PCDHA6: variants seen among roughly 807,000 people sequenced by gnomAD.
PCDHA6 encodes protocadherin alpha 6.
PCDHA6 carries 55 observed loss-of-function variants against 60.3 expected under a neutral mutation model. The ratio of observed to expected loss-of-function variants is 0.91; its 90% CI spans 0.73 to 1.14. PCDHA6 has a LOEUF of 1.14. PCDHA6 is among the 50% of genes most tolerant of loss of function. PCDHA6 has a pLI of 0.00. For missense variants in PCDHA6, 1,327 were observed against 1,256.5 expected, an observed-to-expected ratio of 1.06 and a Z score of -0.85; for synonymous variants, 652 against 557.9, an observed-to-expected ratio of 1.17 and a Z score of -2.38.
intron 1 of PCDHA6, among the ~76,000 whole-genome samples, chr5:140,896,063 G>A (rs531616608): frequency 1.4e-3 from 217 of 152,130 alleles, no homozygotes; most frequent in African/African-American, 4.7e-3. Flanking sequence ...CGCCTGCCTC[G>A]GCCTCCCAAC....
At chr5:141,000,415 A>ATT (rs1563651650) in intron 3 of PCDHA6, among the ~76,000 whole-genome samples, 4 of 87,388 alleles carry the variant, frequency 4.6e-5, no homozygotes, top group African/African-American at 1.5e-4. Flanking sequence ...ATATATATAT[A>ATT]TATATATTTT....
At chr5:140,949,231 C>G (rs971361200) in intron 1 of PCDHA6, among the ~76,000 whole-genome samples, 11 of 151,628 alleles carry the variant, frequency 7.3e-5, no homozygotes, top group African/African-American at 2.4e-4. Flanking sequence ...TGTTCTGTGG[C>G]CCAGCAACAG....
At chr5:140,842,696 G>C in intron 1 of PCDHA6, 1 of 1,595,300 alleles carries the variant, frequency 6.3e-7, no homozygotes, top group Non-Finnish European at 8.6e-7. Context: ...CGCGCAGCCC[G>C]AGTACACGGT....
chr5:140,969,106 A>G, intron 1 of PCDHA6: 1 of 1,614,132 alleles, frequency 6.2e-7, no homozygotes, highest in Non-Finnish European at 8.5e-7. Flanking sequence ...ACTTCATTGA[A>G]GTTCGAGGGA....
At chr5:140,884,977 A>C (rs782168505) in intron 1 of PCDHA6, among the ~76,000 whole-genome samples, 19 of 152,222 alleles carry the variant, frequency 1.2e-4, no homozygotes, top group Admixed American at 5.2e-4. Context: ...GAGAACTTAA[A>C]CATTTAGAAA....
intron 1 of PCDHA6, chr5:140,967,436 C>A (rs781894469): frequency 1.2e-6 from 2 of 1,613,378 alleles, no homozygotes; most frequent in Non-Finnish European, 8.5e-7. Flanking sequence ...AGCCTTGCAC[C>A]ACCTGGTTCT....
intron 3 of PCDHA6, among the ~76,000 whole-genome samples, chr5:140,997,287 A>G (rs1011963664): frequency 2.0e-5 from 3 of 152,280 alleles, no homozygotes; most frequent in Admixed American, 1.3e-4. Context: ...TCACTTAACA[A>G]TGGGGATACA....
intron 1 of PCDHA6, chr5:140,853,180 A>G (rs2150529700): frequency 2.0e-6 from 2 of 976,402 alleles, no homozygotes. Flanking sequence ...CGCCTGGCCT[A>G]AAATGTGTTC....
intron 1 of PCDHA6, chr5:140,967,872 A>G: frequency 1.2e-6 from 2 of 1,614,034 alleles, no homozygotes; most frequent in Non-Finnish European, 1.7e-6. Context: ...GTGCTCACGG[A>G]CCTGTATAGC....
chr5:140,884,684 T>C (rs2060315542), intron 1 of PCDHA6: 1 of 1,543,214 alleles, frequency 6.5e-7, no homozygotes. Flanking sequence ...TTTTAAAAAA[T>C]TGTCTTAGTA....
At position 140,830,076 on chromosome 5, in the gene PCDHA6, C is replaced by T. The variant is rs2150180752; in HGVS notation, c.1985C>T (p.Thr662Met). The T allele has an allele frequency of 3.8e-5, 61 of 1,613,536 alleles. No individual in the cohort carries two copies. Among genetic ancestry groups the T allele is most frequent in the Non-Finnish European group, 4.8e-5 (57 of 1,179,876 alleles). The change falls in exon 1 of 4, where the codon ACG becomes ATG. Residue 662 changes from threonine (T) to methionine (M), a missense_variant. Transcript: ENST00000529310. ...KDHGEPALTATATVLVSLVES... is the reference protein window; with the variant it reads ...KDHGEPALTAMATVLVSLVES... Reference sequence around the variant, plus strand: ...CACGGTGAGCCGGCGCTGACAGCGACGGCCACGGTTCTGGTGTCGCTGGTG... The same window carrying T: ...CACGGTGAGCCGGCGCTGACAGCGATGGCCACGGTTCTGGTGTCGCTGGTG...
At chr5:140,930,306 CAT>C (rs1554207728) in intron 1 of PCDHA6, 1 of 152,052 alleles carries the variant, frequency 6.6e-6, no homozygotes, top group East Asian at 1.9e-4. Context: ...AAGTAAATAT[CAT>C]ATTTGAGAGT....
intron 1 of PCDHA6, among the ~76,000 whole-genome samples, chr5:140,931,210 G>A (rs1326851548): frequency 6.6e-6 from 1 of 152,064 alleles, no homozygotes; most frequent in African/African-American, 2.4e-5. Flanking sequence ...TAGTATTTCA[G>A]GTATCAGAGC....
intron 2 of PCDHA6, chr5:140,982,255 G>A (rs1226877967): frequency 1.6e-5 from 13 of 791,614 alleles, no homozygotes; most frequent in South Asian, 1.3e-4. Context: ...GATAGAACAT[G>A]TGTGTTCCTG....
intron 1 of PCDHA6, chr5:140,884,480 A>T (rs782532542): frequency 7.4e-6 from 12 of 1,613,662 alleles, no homozygotes; most frequent in Non-Finnish European, 9.3e-6. Flanking sequence ...GGGCAAGCCC[A>T]CTCTAGTGTG....
At chr5:140,960,511 C>T (rs2153725482) in intron 1 of PCDHA6, among the ~76,000 whole-genome samples, 1 of 152,156 alleles carries the variant, frequency 6.6e-6, no homozygotes, top group East Asian at 1.9e-4. Context: ...AAGCAGCAAA[C>T]ATAATGGGTA....
chr5:140,953,476 G>A (rs1554220931), intron 1 of PCDHA6, among the ~76,000 whole-genome samples: 2 of 152,088 alleles, frequency 1.3e-5, no homozygotes. Flanking sequence ...ACTTCCTCAT[G>A]CTGTGTCACA....
chr5:140,892,172 G>A (rs2063414943), intron 1 of PCDHA6, among the ~76,000 whole-genome samples: 1 of 152,100 alleles, frequency 6.6e-6, no homozygotes, highest in African/African-American at 2.4e-5. Flanking sequence ...CAGTAACTGG[G>A]ATCCTCATGG....
Position 140,842,675 on chromosome 5 carries a change from G to A in PCDHA6, c.2394+12190G>A. The A allele has an allele frequency of 1.3e-5, 20 of 1,595,468 alleles. 3 individuals are homozygous for A. The highest frequency in any genetic ancestry group is 3.5e-4 in the Middle Eastern group (2 of 5,774). ...GGAGGTGGCCGACGTGAACGACAAT[G>A]CTCCGGCGTTCGCGCAGCCCGAGTA... On this transcript the variant is annotated intron_variant, in intron 1 of 3. Transcript: ENST00000529310.
Sources: allele counts gnomAD v4.1 joint callset (sites outside exome capture counted in the v4.1 genomes callset), GRCh38; gene constraint gnomAD v4.1.1; transcripts MANE v1.5; gene names NCBI Gene and HGNC (gene_info 2026-07-23, HGNC 2026-07-21).